The following CPEB1 variants were observed in gnomAD, a reference collection of about 807,000 sequenced individuals.
CPEB1 encodes cytoplasmic polyadenylation element-binding protein 1.
A neutral mutation model predicts 65.8 loss-of-function variants in CPEB1; 7 were observed. The ratio of observed to expected loss-of-function variants is 0.11; its 90% CI spans 0.06 to 0.20. The LOEUF (loss-of-function observed/expected upper bound fraction) is 0.20. CPEB1 is among the 10% of genes least tolerant of loss of function. The pLI is 1.00. For synonymous variants in CPEB1, 262 were observed against 260.0 expected (o/e 1.01, Z -0.08); for missense variants, 551 against 712.2 (o/e 0.77, Z 2.58).
intron 3 of CPEB1, among the ~76,000 whole-genome samples, chr15:82,590,682 C>T (rs1284256479): frequency 6.6e-6 from 1 of 152,180 alleles, no homozygotes; most frequent in Non-Finnish European, 1.5e-5. Flanking sequence ...ACCCAACACC[C>T]TCAAATGGGC....
At chr15:82,630,298 G>C (rs1261203721) in intron 1 of CPEB1, 2 of 159,566 alleles carry the variant, frequency 1.3e-5, no homozygotes, top group Non-Finnish European at 2.7e-5. Context: ...TTAGCCGACT[G>C]CCTGCTCTCT....
At position 82,547,126 on chromosome 15, in the gene CPEB1, T is replaced by G. The variant is rs780988002; in HGVS notation, c.1575+17A>C. 5 of 1,589,556 alleles carry G rather than the reference T, an allele frequency of 3.1e-6. No homozygotes were observed. In the Admixed American group the frequency reaches 6.7e-5, roughly 21 times the overall value. ...TCTCATATACCCCAGAGTAAGGGCA[T>G]AAACCAGCCAACTCACCTTCTTTGT... On this transcript the variant is annotated intron_variant, in intron 11 of 12. Coordinates refer to ENST00000684509, the MANE Select transcript of CPEB1 (RefSeq NM_001365242.1).
At chr15:82,627,122 T>G in intron 3 of CPEB1, 71 bp downstream of exon 3, 1 of 1,232,832 alleles carries the variant, frequency 8.1e-7, no homozygotes, top group Non-Finnish European at 1.1e-6. Context: ...AAGGAAGACC[T>G]CTTACATGCA....
chr15:82,609,650 AC>A (rs946457104), intron 3 of CPEB1, among the ~76,000 whole-genome samples: 1 of 152,016 alleles, frequency 6.6e-6, no homozygotes, highest in Non-Finnish European at 1.5e-5. Context: ...AAAAAAAAAA[AC>A]AGAAGTTGGT....
chr15:82,617,692 C>T (rs1363051712), intron 3 of CPEB1, among the ~76,000 whole-genome samples: 5 of 127,876 alleles, frequency 3.9e-5, no homozygotes, highest in East Asian at 2.3e-4. Flanking sequence ...AGCTTTGTAA[C>T]TTTTCTATTA....
intron 1 of CPEB1, among the ~76,000 whole-genome samples, chr15:82,645,325 G>A (rs937350465): frequency 2.0e-5 from 3 of 152,038 alleles, no homozygotes; most frequent in Non-Finnish European, 4.4e-5. Flanking sequence ...GCTAATTTTT[G>A]TATTTTTAGG....
At chr15:82,583,835 T>G (rs774996654) in intron 3 of CPEB1, among the ~76,000 whole-genome samples, 1 of 152,128 alleles carries the variant, frequency 6.6e-6, no homozygotes, top group Admixed American at 6.5e-5. Context: ...AGTAATAATA[T>G]TGAAATAGTA....
At chr15:82,568,627 G>A (rs745873137) in intron 4 of CPEB1, among the ~76,000 whole-genome samples, 47 of 152,140 alleles carry the variant, frequency 3.1e-4, no homozygotes, top group Non-Finnish European at 6.2e-4. Context: ...TCTGGCCCCT[G>A]GAGAATGGTA....
chr15:82,543,488 A>G lies in CPEB1; in HGVS notation c.*1104T>C, dbSNP rs2150898577. The G allele has an allele frequency of 6.7e-6, 1 of 148,754 alleles. No homozygotes were observed. Among genetic ancestry groups the G allele is most frequent in the African/African-American group, 2.5e-5 (1 of 40,284 alleles). 9.2% of individuals were successfully genotyped at this position (148,754 alleles called of 1,614,324 possible). On this transcript the variant is annotated 3_prime_UTR_variant, in exon 13 of 13. Transcript: ENST00000684509. The stretch of plus-strand genomic sequence containing the variant: ...AAAAAAAAAAAAAAAAAAAAAAGGA[A>G]AGAAAAAAAAGTCAAGTTTTCAAAT...
In CPEB1 at chr15:82,577,862, C is replaced by A. The variant is rs529213964; in HGVS notation, c.272-6330G>T. Among the ~76,000 whole-genome samples, 8 of 152,204 alleles carry A rather than the reference C, an allele frequency of 5.3e-5. No homozygotes were observed. In the South Asian group the frequency reaches 1.7e-3, roughly 32 times the overall value. On this transcript the variant is annotated intron_variant, in intron 3 of 12. Coordinates refer to ENST00000684509, the MANE Select transcript of CPEB1 (RefSeq NM_001365242.1). Reference sequence around the variant, plus strand: ...TAGCATTGATAAAGCTATATTGGGCCAGGCACGGTGGCTCACGCCTGTAAT... The same window carrying A: ...TAGCATTGATAAAGCTATATTGGGCAAGGCACGGTGGCTCACGCCTGTAAT...
At chr15:82,589,367 G>C (rs991074551) in intron 3 of CPEB1, among the ~76,000 whole-genome samples, 4 of 152,166 alleles carry the variant, frequency 2.6e-5, no homozygotes, top group Admixed American at 2.6e-4. Context: ...TATGTGGGGC[G>C]GCAATTTAAT....
Position 82,546,445 on chromosome 15 carries a change from T to C in CPEB1, c.1652A>G (p.Asp551Gly), listed in dbSNP as rs756309932. The change falls in exon 12 of 13, where the codon GAT (aspartate) becomes GGT (glycine). Residue 551 changes from aspartate (D) to glycine (G), a missense_variant. Coordinates refer to ENST00000684509, the MANE Select transcript of CPEB1 (RefSeq NM_001365242.1). ...CTTCATAGACATCGGACCCACCTGA[T>C]CTCGACAGAAGAAAGGACCAGGCTG... ...SSQPGPFFCR[D>G]QVCFKYFCRS... The C allele has an allele frequency of 6.2e-7, 1 of 1,613,448 alleles. No individual in the cohort carries two copies. Among genetic ancestry groups the C allele is most frequent in the Non-Finnish European group, 8.5e-7 (1 of 1,179,478 alleles).
chr15:82,565,796 G>C (rs2039022543), intron 4 of CPEB1, among the ~76,000 whole-genome samples: 1 of 152,204 alleles, frequency 6.6e-6, no homozygotes, highest in African/African-American at 2.4e-5. Context: ...GGTTTACCAA[G>C]TGCCTCCAGC....
In CPEB1 at chr15:82,577,352, C is replaced by T. The variant is rs150889397; in HGVS notation, c.272-5820G>A. On this transcript the variant is annotated intron_variant, in intron 3 of 12. Transcript: ENST00000684509. ...GGGATTACATGTGTGAGCCACTGTG[C>T]CCGACTGCAAAGGTGTATTTTTAAA... Among the ~76,000 whole-genome samples the T allele has an allele frequency of 3.1e-3, 467 of 151,390 alleles. 3 individuals are homozygous for T. The highest frequency in any genetic ancestry group is 0.01 in the African/African-American group (431 of 41,264).
chr15:82,577,972 C>G (rs959655102), intron 3 of CPEB1, among the ~76,000 whole-genome samples: 6 of 151,922 alleles, frequency 3.9e-5, no homozygotes, highest in African/African-American at 1.4e-4. Context: ...AACCCCGTCT[C>G]TAATAAAAAT....
intron 1 of CPEB1, among the ~76,000 whole-genome samples, chr15:82,646,022 G>A (rs1379501055): frequency 6.6e-6 from 1 of 152,154 alleles, no homozygotes; most frequent in Admixed American, 6.5e-5. Flanking sequence ...AGGGTTTTCC[G>A]ACAGCCAGCA....
At chr15:82,616,168 C>G (rs1231201963) in intron 3 of CPEB1, among the ~76,000 whole-genome samples, 1 of 151,852 alleles carries the variant, frequency 6.6e-6, no homozygotes, top group Non-Finnish European at 1.5e-5. Context: ...CATGAGGGGT[C>G]TTCTTAGTTG....
In CPEB1 at chr15:82,543,448, T is replaced by G. The variant is rs925750210; in HGVS notation, c.*1144A>C. 4.2e-5 allele frequency: 6 copies of G among 141,286 alleles called. No homozygotes were observed. Among genetic ancestry groups the G allele is most frequent in the African/African-American group, 5.5e-5 (2 of 36,218 alleles). The allele number at this position is 141,286 out of a possible 1,614,324, so 8.8% of individuals were successfully genotyped here. ...GAGGGGCAAGTAGTTTTTGTGGGTT[T>G]TTTGTTTCTTTTTAAAAAAAAAAAA... On this transcript the variant is annotated 3_prime_UTR_variant, in exon 13 of 13. Transcript: ENST00000684509.
chr15:82,631,984 T>C (rs926468243), intron 1 of CPEB1, among the ~76,000 whole-genome samples: 1 of 142,032 alleles, frequency 7.0e-6, no homozygotes, highest in Non-Finnish European at 1.5e-5. Flanking sequence ...TTTTTTCTCT[T>C]TTTTTTTTTT....
Sources: allele counts gnomAD v4.1 joint callset (sites outside exome capture counted in the v4.1 genomes callset), GRCh38; gene constraint gnomAD v4.1.1; transcripts MANE v1.5; gene names NCBI Gene and HGNC (gene_info 2026-07-23, HGNC 2026-07-21).